Variants in TAFA1 observed in about 807,000 individuals in gnomAD.
TAFA1 encodes TAFA chemokine like family member 1.
A neutral mutation model predicts 18.5 loss-of-function variants in TAFA1; 4 were observed. The observed-to-expected ratio is 0.22, with a 90% CI of 0.11 to 0.49. The LOEUF is 0.49. Among genes scored for constraint, TAFA1 ranks in the 20% least tolerant of loss-of-function variants. TAFA1 has a pLI of 0.98. For missense variants in TAFA1, 147 were observed against 169.0 expected (o/e 0.87, Z 0.72); for synonymous variants, 56 against 55.2 (o/e 1.01, Z -0.06).
chr3:68,066,223 T>A lies in TAFA1; in HGVS notation c.118+59479T>A, dbSNP rs553300167. ...TCAATAAAGCCGTATGTGTCATATA[T>A]GTATGTACACATTTCTGTGTTGGTG... On this transcript the variant is annotated intron_variant, in intron 2 of 4. Coordinates refer to ENST00000478136, the MANE Select transcript of TAFA1 (RefSeq NM_213609.4). 4.5e-4 allele frequency among the ~76,000 whole-genome samples: 69 copies of A among 152,296 alleles called. 1 individual carries two copies. Among genetic ancestry groups the A allele is most frequent in the Non-Finnish European group, 6.8e-4 (46 of 68,016 alleles).
chr3:68,273,545 T>C (rs571265514), intron 2 of TAFA1, among the ~76,000 whole-genome samples: 2 of 152,176 alleles, frequency 1.3e-5, no homozygotes, highest in African/African-American at 4.8e-5. Flanking sequence ...ATTACCAAGG[T>C]AAGAAAAGGC....
At chr3:68,246,739 G>C (rs2067088955) in intron 2 of TAFA1, 1 of 151,456 alleles carries the variant, frequency 6.6e-6, no homozygotes, top group Admixed American at 6.6e-5. Flanking sequence ...TATCGCTTCT[G>C]TTGCATCATA....
intron 2 of TAFA1, among the ~76,000 whole-genome samples, chr3:68,404,305 T>C (rs963488286): frequency 2.6e-5 from 4 of 152,302 alleles, no homozygotes; most frequent in African/African-American, 9.6e-5. Context: ...ATGCCATTCA[T>C]TGATGCTGTA....
chr3:68,424,238 C>T (rs754003278), intron 3 of TAFA1, among the ~76,000 whole-genome samples: 20 of 151,786 alleles, frequency 1.3e-4, no homozygotes, highest in Admixed American at 6.6e-4. Context: ...ATAAAGACTT[C>T]GACCCAGGAA....
chr3:68,316,442 C>T (rs1335657621), intron 2 of TAFA1, among the ~76,000 whole-genome samples: 3 of 152,300 alleles, frequency 2.0e-5, no homozygotes, highest in African/African-American at 7.2e-5. Flanking sequence ...TTTAAATCTT[C>T]TGCAGAATAA....
intron 2 of TAFA1, among the ~76,000 whole-genome samples, chr3:68,375,132 C>A (rs561740551): frequency 2.6e-5 from 4 of 152,164 alleles, no homozygotes; most frequent in Non-Finnish European, 4.4e-5. Context: ...GTGTTCCCAC[C>A]TGAACTGTAA....
intron 2 of TAFA1, among the ~76,000 whole-genome samples, chr3:68,108,435 GGTGT>G (rs59097248): frequency 0.38 from 53,973 of 141,020 alleles, 9,812 homozygotes; most frequent in Middle Eastern, 0.44. Flanking sequence ...TTTATTTGAA[GGTGT>G]GTGTGTGTGT....
intron 2 of TAFA1, among the ~76,000 whole-genome samples, chr3:68,268,427 G>A (rs925915250): frequency 4.6e-5 from 7 of 152,068 alleles, no homozygotes; most frequent in Non-Finnish European, 7.4e-5. Context: ...AGACATGGAT[G>A]GGGGGAGCCA....
intron 2 of TAFA1, among the ~76,000 whole-genome samples, chr3:68,281,365 G>A (rs1183760338): frequency 6.6e-6 from 1 of 151,068 alleles, no homozygotes; most frequent in Admixed American, 6.6e-5. Flanking sequence ...TATTTTCAGT[G>A]TTTTAAAAAT....
intron 2 of TAFA1, among the ~76,000 whole-genome samples, chr3:68,169,773 T>C (rs1559545633): frequency 6.6e-6 from 1 of 152,180 alleles, no homozygotes; most frequent in South Asian, 2.1e-4. Context: ...GAATAGTATA[T>C]GGGTGAGGTA....
Position 68,262,336 on chromosome 3 carries a change from TA to T in TAFA1, c.119-154943del, listed in dbSNP as rs1559585902. 3.5e-3 allele frequency among the ~76,000 whole-genome samples: 340 copies of T among 97,652 alleles called. 16 individuals are homozygous for T. The highest frequency in any genetic ancestry group is 0.013 in the African/African-American group (325 of 24,234). 64.1% of individuals were successfully genotyped at this position (97,652 alleles called of 152,430 possible). On this transcript the variant is annotated intron_variant, in intron 2 of 4. Coordinates refer to ENST00000478136, the MANE Select transcript of TAFA1 (RefSeq NM_213609.4). ...ATATATATATATATATATATATATA[TA>T]TATATATATATATATATATATTTCA...
chr3:68,381,623 A>G (rs262185), intron 2 of TAFA1, among the ~76,000 whole-genome samples: 76,497 of 151,960 alleles, frequency 0.5, 19,846 homozygotes, highest in East Asian at 0.76. Context: ...TTGATTTTGT[A>G]TCCTGAGACT....
intron 2 of TAFA1, among the ~76,000 whole-genome samples, chr3:68,381,517 A>G (rs974347742): frequency 1.3e-5 from 2 of 152,060 alleles, no homozygotes; most frequent in African/African-American, 2.4e-5. Flanking sequence ...CAGGTATTTT[A>G]TTCTCTTTGA....
chr3:68,228,940 G>A (rs2066836312), intron 2 of TAFA1, among the ~76,000 whole-genome samples: 1 of 152,158 alleles, frequency 6.6e-6, no homozygotes. Context: ...CACTGGGGGA[G>A]GGATTTAAAG....
intron 3 of TAFA1, among the ~76,000 whole-genome samples, chr3:68,521,851 T>C (rs2073028953): frequency 9.0e-6 from 1 of 111,026 alleles, no homozygotes; most frequent in Non-Finnish European, 1.8e-5. Flanking sequence ...TCTGTGTTTT[T>C]TTCTGTTTTT....
intron 2 of TAFA1, among the ~76,000 whole-genome samples, chr3:68,053,604 T>C (rs566257015): frequency 9.9e-5 from 15 of 152,262 alleles, no homozygotes; most frequent in Non-Finnish European, 1.6e-4. Flanking sequence ...TTCACAGTAA[T>C]TTGTGGGATG....
intron 2 of TAFA1, among the ~76,000 whole-genome samples, chr3:68,298,860 A>G (rs1051045452): frequency 1.3e-5 from 2 of 152,190 alleles, no homozygotes; most frequent in Non-Finnish European, 2.9e-5. Flanking sequence ...TATTTCTTAT[A>G]GCAGTGTGAC....
chr3:68,408,375 G>C (rs2070651845), intron 2 of TAFA1, among the ~76,000 whole-genome samples: 1 of 152,078 alleles, frequency 6.6e-6, no homozygotes, highest in Admixed American at 6.6e-5. Context: ...ACCTTTGTAA[G>C]TTATGACTCG....
At chr3:68,398,788 A>G (rs1423456427) in intron 2 of TAFA1, among the ~76,000 whole-genome samples, 5 of 152,226 alleles carry the variant, frequency 3.3e-5, no homozygotes, top group Non-Finnish European at 5.9e-5. Context: ...CAGTCATAAA[A>G]TGTCTGCTGT....
Sources: gnomAD v4.1 joint callset for allele counts (sites outside exome capture counted in the v4.1 genomes callset) on GRCh38, gnomAD v4.1.1 for gene constraint, MANE v1.5 for transcripts, NCBI Gene and HGNC (gene_info 2026-07-23, HGNC 2026-07-21) for gene names.